Variants in NFXL1 observed in about 807,000 individuals in gnomAD.
The protein encoded by NFXL1 is nuclear transcription factor, X-box binding like 1.
A neutral mutation model predicts 123.3 loss-of-function variants in NFXL1; 66 were observed. That is an observed-to-expected ratio of 0.54 (90% confidence interval 0.44 to 0.66). The LOEUF (loss-of-function observed/expected upper bound fraction) is 0.66. Among genes scored for constraint, NFXL1 ranks in the 30% least tolerant of loss-of-function variants. The pLI is 0.00. For missense variants in NFXL1, 944 were observed against 1,125.6 expected (o/e 0.84, Z 2.31); for synonymous variants, 346 against 360.8 (o/e 0.96, Z 0.46).
rs1209396724 is a variant in NFXL1 at position 47,899,355 on chromosome 4, C to A, written c.826+15G>T. ...AATCACCCACAAACAATTTAAAATG[C>A]AATATATAACTCACCTGGATGACAG... On this transcript the variant is annotated intron_variant, in intron 6 of 22. Coordinates refer to ENST00000507489, the MANE Select transcript of NFXL1 (RefSeq NM_001278624.2). The A allele has an allele frequency of 2.5e-6, 4 of 1,589,316 alleles. No homozygotes were observed. Among genetic ancestry groups the A allele is most frequent in the Non-Finnish European group, 3.4e-6 (4 of 1,163,060 alleles).
chr4:47,862,125 G>C (rs1379476856), intron 19 of NFXL1, among the ~76,000 whole-genome samples: 1 of 152,116 alleles, frequency 6.6e-6, no homozygotes, highest in African/African-American at 2.4e-5. Flanking sequence ...AAATGTAGAA[G>C]GACTGCTTTG....
Position 47,905,486 on chromosome 4 carries a change from T to A in NFXL1, c.407-140A>T, listed in dbSNP as rs746899304. The A allele has an allele frequency of 2.2e-4, 101 of 449,096 alleles. 1 individual carries two copies. Among genetic ancestry groups the A allele is most frequent in the Non-Finnish European group, 3.5e-4 (88 of 249,248 alleles). The allele number at this position is 449,096 out of a possible 1,614,324, so 27.8% of individuals were successfully genotyped here. A position where few individuals can be genotyped will look rare whatever the true frequency, so the allele number is the denominator to read the frequency against. On this transcript the variant is annotated intron_variant, in intron 3 of 22. Transcript: ENST00000507489. ...TAGCTGTAAAACAAGAAGTTTTTTTTAAAAAAGTAACCAATGAGCTGTCAA... is the reference window on the plus strand; with the variant it reads ...TAGCTGTAAAACAAGAAGTTTTTTTAAAAAAAGTAACCAATGAGCTGTCAA...
intron 3 of NFXL1, among the ~76,000 whole-genome samples, chr4:47,908,954 CAAA>C (rs11457014): frequency 3.3e-5 from 3 of 90,504 alleles, no homozygotes; most frequent in Middle Eastern, 5.8e-3. Flanking sequence ...GACTCCGTCG[CAAA>C]AAAAAAAAAA....
chr4:47,866,985 G>A (rs1047850293), intron 18 of NFXL1, among the ~76,000 whole-genome samples: 2 of 152,190 alleles, frequency 1.3e-5, no homozygotes, highest in Admixed American at 1.3e-4. Context: ...ACTGGGAGCA[G>A]ACTCTGGGCG....
At chr4:47,888,387 T>C (rs1371400303) in intron 12 of NFXL1, among the ~76,000 whole-genome samples, 1 of 152,208 alleles carries the variant, frequency 6.6e-6, no homozygotes, top group Non-Finnish European at 1.5e-5. Flanking sequence ...GATTCTAGAA[T>C]GATGGAAAAA....
At position 47,851,088 on chromosome 4, in the gene NFXL1, T is replaced by C. The variant is rs1356041939; in HGVS notation, c.2562+7A>G. 1.0e-5 allele frequency: 16 copies of C among 1,606,556 alleles called. No homozygotes were observed. Among genetic ancestry groups the C allele is most frequent in the Non-Finnish European group, 1.4e-5 (16 of 1,173,262 alleles). On this transcript the variant is annotated splice_region_variant and intron_variant, in intron 22 of 22. Coordinates refer to ENST00000507489, the MANE Select transcript of NFXL1 (RefSeq NM_001278624.2). ...GAGACATAAATCTGGGTATTTTGTTTGGTTACCTGTTGTCTTCGTTTTTCT... is the reference window on the plus strand; with the variant it reads ...GAGACATAAATCTGGGTATTTTGTTCGGTTACCTGTTGTCTTCGTTTTTCT...
At chr4:47,892,799 A>C (rs1014054225) in intron 11 of NFXL1, among the ~76,000 whole-genome samples, 1 of 152,200 alleles carries the variant, frequency 6.6e-6, no homozygotes, top group African/African-American at 2.4e-5. Context: ...GCACCCAAAA[A>C]TGTAAAGTTC....
At chr4:47,902,832 G>A (rs1221818589) in intron 5 of NFXL1, among the ~76,000 whole-genome samples, 5 of 152,162 alleles carry the variant, frequency 3.3e-5, no homozygotes, top group Non-Finnish European at 7.4e-5. Flanking sequence ...AAGCAACTTA[G>A]AATCTACAAT....
At chr4:47,877,062 C>A in intron 17 of NFXL1, 1 of 1,215,952 alleles carries the variant, frequency 8.2e-7, no homozygotes, top group Non-Finnish European at 1.1e-6. Flanking sequence ...CTACAAAAAT[C>A]TTCTATTTAA....
chr4:47,909,081 C>T (rs901962761), intron 3 of NFXL1, among the ~76,000 whole-genome samples: 4 of 151,872 alleles, frequency 2.6e-5, no homozygotes, highest in Non-Finnish European at 5.9e-5. Context: ...ACAGACTACA[C>T]AACAGGCACT....
intron 11 of NFXL1, among the ~76,000 whole-genome samples, chr4:47,893,819 A>T (rs1194570007): frequency 1.3e-5 from 2 of 152,244 alleles, no homozygotes; most frequent in East Asian, 3.9e-4. Context: ...CAAGCTCTTT[A>T]AAAGATAACT....
intron 18 of NFXL1, among the ~76,000 whole-genome samples, chr4:47,865,149 T>C (rs771757522): frequency 2.2e-4 from 34 of 152,226 alleles, no homozygotes; most frequent in Non-Finnish European, 4.4e-4. Flanking sequence ...AAGTCTTTTG[T>C]GTTGATTGTT....
intron 19 of NFXL1, among the ~76,000 whole-genome samples, chr4:47,860,259 AAAAAT>A (rs1304070110): frequency 3.9e-5 from 6 of 152,228 alleles, no homozygotes; most frequent in South Asian, 2.1e-4. Context: ...AACATTTAAA[AAAAAT>A]AAAATAACTG....
At chr4:47,875,518 A>G (rs1396998146) in intron 17 of NFXL1, among the ~76,000 whole-genome samples, 1 of 152,180 alleles carries the variant, frequency 6.6e-6, no homozygotes, top group East Asian at 1.9e-4. Flanking sequence ...TTTTTTGCCT[A>G]TGAGCCTCAT....
intron 4 of NFXL1, among the ~76,000 whole-genome samples, chr4:47,904,078 C>T (rs148626940): frequency 6.8e-4 from 103 of 152,222 alleles, no homozygotes; most frequent in Non-Finnish European, 1.3e-3. Flanking sequence ...GGGTTACCCC[C>T]AAAGCGGTAT....
intron 19 of NFXL1, among the ~76,000 whole-genome samples, chr4:47,858,236 C>T (rs548907039): frequency 2.6e-5 from 4 of 152,092 alleles, no homozygotes; most frequent in South Asian, 2.1e-4. Flanking sequence ...GGCAGGGATG[C>T]GAAAGAGGAA....
At chr4:47,904,124 A>AG (rs942396266) in intron 4 of NFXL1, among the ~76,000 whole-genome samples, 2 of 152,234 alleles carry the variant, frequency 1.3e-5, no homozygotes, top group African/African-American at 4.8e-5. Context: ...GGGACTAGAC[A>AG]GGGAAAAAGA....
chr4:47,848,433 G>A, intron 22 of NFXL1, 97 bp from the exon 23 acceptor site: 1 of 882,680 alleles, frequency 1.1e-6, no homozygotes, highest in South Asian at 1.8e-5. Flanking sequence ...TGTTTTAATA[G>A]TAATGATATA....
intron 2 of NFXL1, 33 bp downstream of exon 2, chr4:47,913,936 C>T: frequency 6.7e-7 from 1 of 1,483,406 alleles, no homozygotes; most frequent in Non-Finnish European, 9.2e-7. Flanking sequence ...TAGGAGGCAT[C>T]CAGGTGAGCA....
Sources: gnomAD v4.1 joint callset for allele counts (sites outside exome capture counted in the v4.1 genomes callset) on GRCh38, gnomAD v4.1.1 for gene constraint, MANE v1.5 for transcripts, NCBI Gene and HGNC (gene_info 2026-07-23, HGNC 2026-07-21) for gene names.